Variants in CARD6 observed in about 807,000 individuals in gnomAD.
CARD6 encodes the protein caspase recruitment domain family member 6.
CARD6 carries 27 observed loss-of-function variants against 23.6 expected under a neutral mutation model. That is an observed-to-expected ratio of 1.14 (90% CI 0.84 to 1.58). The LOEUF (loss-of-function observed/expected upper bound fraction) is 1.58. Ranked by LOEUF, CARD6 falls within the 40% of genes most tolerant of loss-of-function variation. CARD6 has a pLI of 0.00. For missense variants in CARD6, 1,214 were observed against 1,209.9 expected (o/e 1.00, Z -0.05); for synonymous variants, 397 against 431.8 (o/e 0.92, Z 1.00).
At chr5:40,844,904 C>T (rs897048035) in intron 2 of CARD6, among the ~76,000 whole-genome samples, 3 of 145,606 alleles carry the variant, frequency 2.1e-5, no homozygotes, top group Admixed American at 6.9e-5. Flanking sequence ...GAGTCTCACT[C>T]GTCGCCCAGG....
At position 40,843,454 on chromosome 5, in the gene CARD6, G is replaced by A. The variant is rs568577740; in HGVS notation, c.586G>A (p.Asp196Asn). The A allele has an allele frequency of 3.1e-5, 50 of 1,613,636 alleles. No individual in the cohort carries two copies. The South Asian group carries it at 5.5e-4, about 18-fold the overall frequency. The stretch of plus-strand genomic sequence containing the variant: ...TCCAGCAACTATTACATATATAAAA[G>A]ATGGACAGAGATATGAGGAGCTAGA... ...EVPATITYIK[D>N]GQRYEELDDS... is the part of the protein sequence containing the mutation. Residue 196 changes from aspartate to asparagine, a missense_variant, in exon 2 of 3, where the codon GAT becomes AAT. Transcript: ENST00000254691.
Position 40,853,220 on chromosome 5 carries a change from C to T in CARD6, c.1888C>T (p.Gln630Ter). The change falls in exon 3 of 3, where the codon CAG becomes TAG. Residue 630 changes from glutamine (Q) to a stop codon, truncating the protein, a stop_gained. Transcript: ENST00000254691. LOFTEE classifies it low-confidence loss of function (END_TRUNC). ...CATGGAGGGCCTTCAAGCTGCCCTC[C>T]AGGAAGTGATGTTCTCTTCTTGCCT... ...KNMEGLQAAL[Q>*]EVMFSSCLRC... 1 of 1,614,150 alleles carries T rather than the reference C, an allele frequency of 6.2e-7. No homozygotes were observed. The highest frequency in any genetic ancestry group is 1.1e-5 in the South Asian group (1 of 91,082).
chr5:40,845,764 C>T (rs972674455), intron 2 of CARD6, among the ~76,000 whole-genome samples: 1 of 152,054 alleles, frequency 6.6e-6, no homozygotes. Context: ...CAGGTACTGA[C>T]TGGGTTTCAC....
In CARD6 at chr5:40,846,233, G is replaced by A. The variant is rs947322341; in HGVS notation, c.841+2524G>A. Among the ~76,000 whole-genome samples, 6 of 151,966 alleles carry A rather than the reference G, an allele frequency of 3.9e-5. No individual in the cohort carries two copies. The South Asian group carries it at 1.0e-3, about 26-fold the overall frequency. On this transcript the variant is annotated intron_variant, in intron 2 of 2. Transcript: ENST00000254691. Reference sequence around the variant, plus strand: ...TCACCATGTTGGCCAGGCTGGTCTCGAACTCTTGACCTCAGGTGATCCACC... The same window carrying A: ...TCACCATGTTGGCCAGGCTGGTCTCAAACTCTTGACCTCAGGTGATCCACC...
In CARD6 at chr5:40,854,168, C is replaced by G; in HGVS notation, c.2836C>G (p.Gln946Glu). Residue 946 changes from glutamine to glutamate, a missense_variant, in exon 3 of 3, where the codon CAG becomes GAG. Physicochemically the swap from Gln to Glu is conservative, Grantham distance 29. Transcript: ENST00000254691. ...CAAGAGCTCTCAGTTCAAATCCGAT[C>G]AGTCCAACCCATCCACAGTCAAACA... is the stretch of plus-strand genomic sequence containing the variant. The part of the protein sequence containing the change: ...MCKSSQFKSD[Q>E]SNPSTVKHSQ... 1 of 1,614,214 alleles carries G rather than the reference C, an allele frequency of 6.2e-7. No individual in the cohort carries two copies. Among genetic ancestry groups the G allele is most frequent in the Non-Finnish European group, 8.5e-7 (1 of 1,180,042 alleles).
intron 2 of CARD6, among the ~76,000 whole-genome samples, chr5:40,845,215 C>T (rs1191392235): frequency 6.6e-6 from 1 of 152,148 alleles, no homozygotes; most frequent in Non-Finnish European, 1.5e-5. Context: ...CCTAGCTTTC[C>T]TGGTGGTTTG....
At chr5:40,848,547 A>G (rs323566) in intron 2 of CARD6, among the ~76,000 whole-genome samples, 30,253 of 151,922 alleles carry the variant, frequency 0.2, 3,205 homozygotes, top group East Asian at 0.33. Context: ...TCTAACATCT[A>G]GGTCATTTTG....
Position 40,852,330 on chromosome 5 carries a change from T to G in CARD6, c.998T>G (p.Val333Gly). 1 of 1,614,064 alleles carries G rather than the reference T, an allele frequency of 6.2e-7. No individual in the cohort carries two copies. Among genetic ancestry groups the G allele is most frequent in the Non-Finnish European group, 8.5e-7 (1 of 1,180,014 alleles). Residue 333 changes from valine to glycine, a missense_variant, in exon 3 of 3, where the codon GTT (valine) becomes GGT (glycine). By Grantham distance (109) the Val-to-Gly change is moderately radical. Transcript: ENST00000254691. ...GDLAWNFLMK[V>G]QARDVTARDS... ...TTAGCCTGGAATTTCCTGATGAAAG[T>G]TCAAGCACGAGATGTGACGGCTAGG...
chr5:40,850,556 C>CAA (rs547913749), intron 2 of CARD6, among the ~76,000 whole-genome samples: 1 of 121,016 alleles, frequency 8.3e-6, no homozygotes. Context: ...TACTAAAATA[C>CAA]AAAAAAAAAA....
At chr5:40,849,595 T>C (rs1166729007) in intron 2 of CARD6, among the ~76,000 whole-genome samples, 1 of 152,186 alleles carries the variant, frequency 6.6e-6, no homozygotes, top group East Asian at 1.9e-4. Flanking sequence ...AGGGTAATTT[T>C]ACATTTTTAC....
rs201004616 is a variant in CARD6, at chr5:40,841,489, G to A, written c.107G>A (p.Arg36Gln). The A allele has an allele frequency of 1.1e-5, 17 of 1,613,946 alleles. No homozygotes were observed. Among genetic ancestry groups the A allele is most frequent in the Middle Eastern group, 1.6e-4 (1 of 6,062 alleles). The change falls in exon 1 of 3, where the codon CGG becomes CAG. Residue 36 changes from arginine to glutamine, a missense_variant. Physicochemically the swap from Arg to Gln is conservative, Grantham distance 43. Transcript: ENST00000254691. ...TCTATCTTAGACACGTTAACTTCTC[G>A]GAGGCTGATTTCTGAGGAAGAGTAT... Reference protein sequence around the residue: ...PDSILDTLTSRRLISEEEYET... With the variant: ...PDSILDTLTSQRLISEEEYET...
chr5:40,853,293 G>A lies in CARD6; in HGVS notation c.1961G>A (p.Gly654Glu). The A allele has an allele frequency of 6.2e-7, 1 of 1,614,142 alleles. No individual in the cohort carries two copies. The highest frequency in any genetic ancestry group is 8.5e-7 in the Non-Finnish European group (1 of 1,180,026). The change falls in exon 3 of 3, where the codon GGG becomes GAG. Residue 654 changes from glycine (G) to glutamate (E), a missense_variant. Transcript: ENST00000254691. ...EDMAALAREL[G>E]IQVDEDFENT... is the part of the protein sequence containing the mutation. The stretch of plus-strand genomic sequence containing the variant: ...ATGGCCGCCCTGGCCAGGGAGCTGG[G>A]GATTCAGGTAGATGAAGACTTTGAA...
Position 40,841,636 on chromosome 5 carries a change from A to G in CARD6, c.254A>G (p.Gln85Arg), listed in dbSNP as rs1745862665. 1.2e-6 allele frequency: 2 copies of G among 1,613,942 alleles called. No homozygotes were observed. Among genetic ancestry groups the G allele is most frequent in the East Asian group, 4.5e-5 (2 of 44,878 alleles). Residue 85 changes from glutamine to arginine, a missense_variant, in exon 1 of 3, where the codon CAG (glutamine) becomes CGG (arginine). By Grantham distance (43) the Gln-to-Arg change is conservative. Coordinates refer to ENST00000254691, the MANE Select transcript of CARD6 (RefSeq NM_032587.4). ...FLKCLFSTFP[Q>R]SAAICGLRHE... is the part of the protein sequence containing the mutation. The stretch of plus-strand genomic sequence containing the variant: ...AAGTGTTTATTTAGTACTTTTCCAC[A>G]GTCAGCTGCCATTTGCGGCTTAAGG...
At chr5:40,849,178 G>A (rs1194378523) in intron 2 of CARD6, among the ~76,000 whole-genome samples, 1 of 151,968 alleles carries the variant, frequency 6.6e-6, no homozygotes, top group African/African-American at 2.4e-5. Context: ...TGTATTTTTA[G>A]TAGAGACGGG....
chr5:40,854,581 G>A lies in CARD6; in HGVS notation c.*135G>A, dbSNP rs115375403. Reference sequence around the variant, plus strand: ...AAAACAAAGAAAGATATACATGACTGAATTGGATATCTTTGTTTGTTTGTT... The same window carrying A: ...AAAACAAAGAAAGATATACATGACTAAATTGGATATCTTTGTTTGTTTGTT... On this transcript the variant is annotated 3_prime_UTR_variant, in exon 3 of 3. Coordinates refer to ENST00000254691, the MANE Select transcript of CARD6 (RefSeq NM_032587.4). The A allele has an allele frequency of 2.8e-3, 1,952 of 709,454 alleles. 27 individuals carry two copies. In the African/African-American group the frequency reaches 0.031, roughly 11 times the overall value. 43.9% of individuals were successfully genotyped at this position (709,454 alleles called of 1,614,324 possible).
chr5:40,841,838 T>G (rs1745867253), intron 1 of CARD6, among the ~76,000 whole-genome samples, 173 bp downstream of exon 1: 1 of 152,252 alleles, frequency 6.6e-6, no homozygotes, highest in African/African-American at 2.4e-5. Context: ...TTTCTGAAAT[T>G]TAACATCTTA....
In CARD6 at chr5:40,854,418, C is replaced by G; in HGVS notation, c.3086C>G (p.Ala1029Gly). The G allele has an allele frequency of 3.1e-6, 5 of 1,614,004 alleles. No homozygotes were observed. Among genetic ancestry groups the G allele is most frequent in the Non-Finnish European group, 4.2e-6 (5 of 1,179,910 alleles). Residue 1029 changes from alanine (A) to glycine (G), a missense_variant, in exon 3 of 3, where the codon GCA (alanine) becomes GGA (glycine). Ala to Gly is a moderately conservative substitution (Grantham distance 60). Transcript: ENST00000254691. ...CAAGCTAAGGCACACCACTCAAAAG[C>G]AGGGCAGAAGAGGGGAGGGAAGCAT... ...PSQAKAHHSK[A>G]GQKRGGKH is the part of the protein sequence containing the mutation.
In CARD6 at chr5:40,853,062, A is replaced by C. The variant is rs780245404; in HGVS notation, c.1730A>C (p.Glu577Ala). The C allele has an allele frequency of 3.1e-6, 5 of 1,614,154 alleles. No homozygotes were observed. Among genetic ancestry groups the C allele is most frequent in the Non-Finnish European group, 4.2e-6 (5 of 1,180,016 alleles). Residue 577 changes from glutamate (E) to alanine (A), a missense_variant, in exon 3 of 3, where the codon GAA becomes GCA. By Grantham distance (107) the Glu-to-Ala change is moderately radical. Transcript: ENST00000254691. ...ATGTTTTTAGGAGAGGCTGCCATTG[A>C]AAGATGCTACTTTGTTCTCAGTTCC... ...LLMFLGEAAI[E>A]RCYFVLSSQA... is the part of the protein sequence containing the mutation.
Position 40,852,367 on chromosome 5 carries a change from C to T in CARD6, c.1035C>T (p.Leu345=), listed in dbSNP as rs759199449. 2.0e-5 allele frequency: 32 copies of T among 1,613,954 alleles called. 1 individual carries two copies. The South Asian group carries it at 3.3e-4, about 17-fold the overall frequency. The stretch of plus-strand genomic sequence containing the variant: ...ATGTGACGGCTAGGGATTCAATCCT[C>T]AGTCACAAGGTTCTGGATGAAGATA... ...ARDVTARDSI[L]SHKVLDEDSK... Residue 345 remains leucine (L), a synonymous_variant, in exon 3 of 3, where the codon CTC becomes CTT. Coordinates refer to ENST00000254691, the MANE Select transcript of CARD6 (RefSeq NM_032587.4).
Sources: gnomAD v4.1 joint callset for allele counts (sites outside exome capture counted in the v4.1 genomes callset) on GRCh38, gnomAD v4.1.1 for gene constraint, MANE v1.5 for transcripts, NCBI Gene and HGNC (gene_info 2026-07-23, HGNC 2026-07-21) for gene names.